Variants in C1orf87 observed in about 807,000 individuals in gnomAD.
C1orf87 encodes the protein chromosome 1 open reading frame 87.
Under a neutral mutation model 60.5 loss-of-function variants are expected in C1orf87, and 58 were observed. The observed-to-expected ratio is 0.96, with a 90% CI of 0.78 to 1.19. The LOEUF is 1.19. Among genes scored for constraint, C1orf87 ranks in the 50% most tolerant of loss-of-function variants. The probability of loss-of-function intolerance (pLI) is 0.00; values close to 1 mark genes in which losing one functional copy is unlikely to be tolerated. For synonymous variants in C1orf87, 236 were observed against 227.4 expected (o/e 1.04, Z -0.34); for missense variants, 673 against 638.6 (o/e 1.05, Z -0.58).
intron 8 of C1orf87, among the ~76,000 whole-genome samples, chr1:60,021,804 A>G (rs1645164959): frequency 6.6e-6 from 1 of 152,224 alleles, no homozygotes; most frequent in African/African-American, 2.4e-5. Context: ...AAAGAAAACA[A>G]AAAGAGACTA....
At chr1:60,054,118 A>G (rs996375495) in intron 3 of C1orf87, among the ~76,000 whole-genome samples, 2 of 152,242 alleles carry the variant, frequency 1.3e-5, no homozygotes, top group African/African-American at 4.8e-5. Flanking sequence ...AATGGATTAT[A>G]TCACCTCTGC....
At chr1:60,054,040 A>G (rs540266734) in intron 3 of C1orf87, among the ~76,000 whole-genome samples, 2 of 152,352 alleles carry the variant, frequency 1.3e-5, no homozygotes, top group South Asian at 2.1e-4. Context: ...CAAAAACAAC[A>G]AATATATTAA....
At chr1:60,061,802 A>AAAAAAC (rs1557480493) in intron 2 of C1orf87, among the ~76,000 whole-genome samples, 1 of 149,488 alleles carries the variant, frequency 6.7e-6, no homozygotes. Flanking sequence ...AAAAAAAAAA[A>AAAAAAC]TAGCTGGGCT....
At chr1:60,034,368 G>A (rs942935294) in intron 6 of C1orf87, among the ~76,000 whole-genome samples, 23 of 152,144 alleles carry the variant, frequency 1.5e-4, no homozygotes, top group Non-Finnish European at 4.4e-5. Flanking sequence ...AAATGTATTT[G>A]TTCCTCCAGA....
chr1:60,021,212 T>A (rs1481832058), intron 8 of C1orf87, among the ~76,000 whole-genome samples: 1 of 152,180 alleles, frequency 6.6e-6, no homozygotes, highest in Non-Finnish European at 1.5e-5. Flanking sequence ...CAGTCTCAGG[T>A]AGTTCCTGTA....
At chr1:59,994,080 A>G (rs1201025561) in intron 11 of C1orf87, among the ~76,000 whole-genome samples, 1 of 152,070 alleles carries the variant, frequency 6.6e-6, no homozygotes, top group Admixed American at 6.6e-5. Context: ...TTCAACATCA[A>G]CTTCATTGTA....
At chr1:60,017,856 AT>A (rs1177509411) in intron 8 of C1orf87, among the ~76,000 whole-genome samples, 1 of 152,192 alleles carries the variant, frequency 6.6e-6, no homozygotes, top group Non-Finnish European at 1.5e-5. Flanking sequence ...AAAAAAACAA[AT>A]CTCAATGTTA....
At chr1:60,022,660 T>C (rs1278989237) in intron 8 of C1orf87, among the ~76,000 whole-genome samples, 7 of 152,276 alleles carry the variant, frequency 4.6e-5, no homozygotes, top group African/African-American at 1.7e-4. Flanking sequence ...ACATTTTTTT[T>C]CCCTCATTAA....
intron 8 of C1orf87, among the ~76,000 whole-genome samples, chr1:60,013,631 G>T (rs1645104444): frequency 6.6e-6 from 1 of 150,432 alleles, no homozygotes; most frequent in South Asian, 2.1e-4. Flanking sequence ...GTGAGATTTG[G>T]AGCCTGCAGA....
chr1:60,050,670 T>C (rs1346585280), intron 3 of C1orf87, among the ~76,000 whole-genome samples: 1 of 152,074 alleles, frequency 6.6e-6, no homozygotes, highest in Admixed American at 6.6e-5. Flanking sequence ...ATCTCCAGGA[T>C]AACATTAAAA....
chr1:60,063,929 G>C (rs1348398655), intron 2 of C1orf87, among the ~76,000 whole-genome samples: 1 of 152,054 alleles, frequency 6.6e-6, no homozygotes, highest in East Asian at 1.9e-4. Context: ...TGTCTGTGAG[G>C]GTGTTGCCAA....
At chr1:60,048,581 T>A (rs1042981672) in intron 3 of C1orf87, among the ~76,000 whole-genome samples, 41 of 152,290 alleles carry the variant, frequency 2.7e-4, no homozygotes, top group African/African-American at 9.4e-4. Flanking sequence ...AACATATAAT[T>A]TTACTTTATA....
At chr1:60,021,451 G>A (rs1353358045) in intron 8 of C1orf87, among the ~76,000 whole-genome samples, 1 of 152,186 alleles carries the variant, frequency 6.6e-6, no homozygotes, top group Non-Finnish European at 1.5e-5. Context: ...TGATTTTGGT[G>A]AGGTGGGTAA....
Position 59,990,803 on chromosome 1 carries a change from A to G in C1orf87, c.1511T>C (p.Leu504Pro). 6.2e-7 allele frequency: 1 copy of G among 1,614,076 alleles called. No individual in the cohort carries two copies. Among genetic ancestry groups the G allele is most frequent in the Non-Finnish European group, 8.5e-7 (1 of 1,179,942 alleles). ...GTAAATGAGATTGTAGTTGTGAATGAGGCGTCTGGCTCGTTCCTTCTCCAG... is the reference window on the plus strand; with the variant it reads ...GTAAATGAGATTGTAGTTGTGAATGGGGCGTCTGGCTCGTTCCTTCTCCAG... ...GVLEKERARR[L>P]IHNYNLIYNL... The change falls in exon 12 of 12, where the codon CTC (leucine) becomes CCC (proline). Residue 504 changes from leucine (L) to proline (P), a missense_variant. Coordinates refer to ENST00000371201, the MANE Select transcript of C1orf87 (RefSeq NM_152377.3).
At chr1:60,035,687 A>G (rs1272344899) in intron 6 of C1orf87, among the ~76,000 whole-genome samples, 3 of 152,232 alleles carry the variant, frequency 2.0e-5, no homozygotes, top group African/African-American at 4.8e-5. Flanking sequence ...TATAGAACAG[A>G]TATTCATGTA....
intron 7 of C1orf87, among the ~76,000 whole-genome samples, chr1:60,027,192 C>G (rs1216982176): frequency 1.3e-5 from 2 of 152,174 alleles, no homozygotes; most frequent in Admixed American, 6.5e-5. Context: ...GGAGAGACTG[C>G]CCTTCCTGAA....
chr1:60,065,281 A>C (rs1645537987), intron 2 of C1orf87, among the ~76,000 whole-genome samples: 1 of 151,414 alleles, frequency 6.6e-6, no homozygotes, highest in Admixed American at 6.6e-5. Context: ...TTTCTTGAGC[A>C]GGGGAGGGAA....
chr1:60,062,351 CA>C (rs1258046392), intron 2 of C1orf87, among the ~76,000 whole-genome samples: 3 of 152,178 alleles, frequency 2.0e-5, no homozygotes, highest in African/African-American at 7.2e-5. Flanking sequence ...GAAACCAAAT[CA>C]TTATACCCAT....
chr1:60,061,194 G>T (rs923922140), intron 2 of C1orf87, among the ~76,000 whole-genome samples: 1 of 152,104 alleles, frequency 6.6e-6, no homozygotes, highest in Non-Finnish European at 1.5e-5. Context: ...TATATAAAAA[G>T]ATGATGGATT....
Sources: allele counts gnomAD v4.1 joint callset (sites outside exome capture counted in the v4.1 genomes callset), GRCh38; gene constraint gnomAD v4.1.1; transcripts MANE v1.5; gene names NCBI Gene and HGNC (gene_info 2026-07-23, HGNC 2026-07-21).